The following RGPD4 variants were observed in gnomAD, a reference collection of about 807,000 sequenced individuals.
RGPD4 encodes RANBP2 like and GRIP domain containing 4.
RGPD4 carries 84 observed loss-of-function variants against 141.1 expected under a neutral mutation model. That is an observed-to-expected ratio of 0.60 (90% CI 0.50 to 0.71). RGPD4 has a LOEUF of 0.71. Among genes scored for constraint, RGPD4 ranks in the 30% least tolerant of loss-of-function variants. The pLI, the probability that RGPD4 is intolerant of heterozygous loss-of-function variation, is 0.00. For synonymous variants in RGPD4, 298 were observed against 566.8 expected (o/e 0.53, Z 6.74); for missense variants, 918 against 1,622.4 (o/e 0.57, Z 7.46).
rs2674188 is a variant in RGPD4 at position 107,872,748 on chromosome 2, A to G, written c.4744A>G (p.Asn1582Asp). The change falls in exon 20 of 23, where the codon AAC becomes GAC. Residue 1582 changes from asparagine (N) to aspartate (D), a missense_variant. Physicochemically the swap from Asn to Asp is conservative, Grantham distance 23 (BLOSUM62 1). Coordinates refer to ENST00000408999, the MANE Select transcript of RGPD4 (RefSeq NM_182588.3). ...FSFNASLKSNNSETSSVAQSG... is the reference protein window; with the variant it reads ...FSFNASLKSNDSETSSVAQSG... Reference sequence around the variant, plus strand: ...TTTTAATGCATCTTTGAAAAGTAACAACAGTGAAACTAGTTCAGTAGCCCA... The same window carrying G: ...TTTTAATGCATCTTTGAAAAGTAACGACAGTGAAACTAGTTCAGTAGCCCA... 1 of 1,611,638 alleles carries G rather than the reference A, an allele frequency of 6.2e-7. No individual in the cohort carries two copies. Among genetic ancestry groups the G allele is most frequent in the South Asian group, 1.1e-5 (1 of 90,992 alleles).
At position 107,857,385 on chromosome 2, in the gene RGPD4, T is replaced by A. The variant is rs1682360716; in HGVS notation, c.1276+416T>A. 4.0e-5 allele frequency among the ~76,000 whole-genome samples: 6 copies of A among 150,300 alleles called. 1 individual carries two copies. In the South Asian group the frequency reaches 1.3e-3, roughly 32 times the overall value. On this transcript the variant is annotated intron_variant, in intron 9 of 22. Transcript: ENST00000408999. The stretch of plus-strand genomic sequence containing the variant: ...AACTCCTGACCTCAGGTGATCCACC[T>A]GCCTTGGCCTCCCAAAGTGCTGGGA...
intron 7 of RGPD4, among the ~76,000 whole-genome samples, chr2:107,849,389 C>T (rs1388608215): frequency 4.9e-4 from 56 of 114,262 alleles, no homozygotes; most frequent in South Asian, 1.3e-3. Flanking sequence ...TTTTTTGAGA[C>T]GGAGTCTCGC....
At chr2:107,886,128 A>G in intron 22 of RGPD4, among the ~76,000 whole-genome samples, 1 of 146,662 alleles carries the variant, frequency 6.8e-6, no homozygotes, top group African/African-American at 2.5e-5. Flanking sequence ...GAGAAACAAA[A>G]AACAAGAGTG....
In RGPD4 at chr2:107,890,936, A is replaced by G. The variant is rs1471512374; in HGVS notation, c.*205A>G. On this transcript the variant is annotated 3_prime_UTR_variant, in exon 23 of 23. Coordinates refer to ENST00000408999, the MANE Select transcript of RGPD4 (RefSeq NM_182588.3). ...ACATCTATATGACAGATGTATTTTAAAAGTTTCAACTTGAAGTAAAAGTAC... is the reference window on the plus strand; with the variant it reads ...ACATCTATATGACAGATGTATTTTAGAAGTTTCAACTTGAAGTAAAAGTAC... The G allele has an allele frequency of 3.1e-6, 2 of 653,656 alleles. No individual in the cohort carries two copies. The highest frequency in any genetic ancestry group is 5.2e-6 in the Non-Finnish European group (2 of 385,250). The allele number at this position is 653,656 out of a possible 1,614,324, so 40.5% of individuals were successfully genotyped here. A position where few individuals can be genotyped will look rare whatever the true frequency, so the allele number is the denominator to read the frequency against.
At chr2:107,830,004 C>T (rs1296337694) in intron 1 of RGPD4, among the ~76,000 whole-genome samples, 3 of 152,206 alleles carry the variant, frequency 2.0e-5, no homozygotes, top group Middle Eastern at 3.4e-3. Context: ...GTAGGCATCT[C>T]AGCGCGGACA....
intron 1 of RGPD4, among the ~76,000 whole-genome samples, chr2:107,830,913 C>T (rs1681461145): frequency 6.6e-6 from 1 of 152,160 alleles, no homozygotes; most frequent in Non-Finnish European, 1.5e-5. Context: ...TACTCCCTCA[C>T]ATGTGCTTTT....
At chr2:107,888,895 G>T (rs530396434) in intron 22 of RGPD4, among the ~76,000 whole-genome samples, 3 of 142,120 alleles carry the variant, frequency 2.1e-5, no homozygotes, top group Non-Finnish European at 4.5e-5. Context: ...GCAGCCCTGT[G>T]AGAGACCTTG....
intron 21 of RGPD4, among the ~76,000 whole-genome samples, chr2:107,882,357 T>G (rs960843458): frequency 1.3e-5 from 2 of 151,900 alleles, no homozygotes; most frequent in African/African-American, 4.9e-5. Flanking sequence ...CCCAAATAGC[T>G]TAGGACAGTG....
chr2:107,845,157 C>G (rs1033261145), intron 6 of RGPD4, among the ~76,000 whole-genome samples: 10 of 128,600 alleles, frequency 7.8e-5, no homozygotes, highest in African/African-American at 3.0e-4. Flanking sequence ...TCTCTTGTCT[C>G]TGCCTCCTGA....
chr2:107,873,051 T>C (rs1445583524), intron 20 of RGPD4, 123 bp downstream of exon 20: 3 of 733,272 alleles, frequency 4.1e-6, no homozygotes, highest in South Asian at 3.9e-5. Context: ...ACCCCCAAAA[T>C]ATTTGAGCAA....
At chr2:107,829,498 G>A (rs1463090668) in intron 1 of RGPD4, among the ~76,000 whole-genome samples, 2 of 117,354 alleles carry the variant, frequency 1.7e-5, no homozygotes, top group Non-Finnish European at 3.6e-5. Flanking sequence ...CATGGCTACC[G>A]ACGGGCGCTG....
At chr2:107,844,802 C>CCTTT (rs370881895) in intron 6 of RGPD4, among the ~76,000 whole-genome samples, 10,761 of 48,054 alleles carry the variant, frequency 0.22, 1,331 homozygotes, top group Non-Finnish European at 0.28. Flanking sequence ...TATGTGGGTT[C>CCTTT]CTTTCTTTCT....
Position 107,871,331 on chromosome 2 carries a change from T to C in RGPD4, c.3327T>C (p.Cys1109=). Reference sequence around the variant, plus strand: ...GAAGAGAACAAGTACTAAAAGTGTGTGCTAATCATTGGATAACGACTACAA... The same window carrying C: ...GAAGAGAACAAGTACTAAAAGTGTGCGCTAATCATTGGATAACGACTACAA... The part of the protein sequence containing the change: ...LMRREQVLKV[C]ANHWITTTMN... The change falls in exon 20 of 23, where the codon TGT becomes TGC. Residue 1109 remains cysteine, a synonymous_variant. Transcript: ENST00000408999. The C allele has an allele frequency of 6.3e-7, 1 of 1,598,078 alleles. No individual in the cohort carries two copies. The highest frequency in any genetic ancestry group is 8.5e-7 in the Non-Finnish European group (1 of 1,176,998).
intron 1 of RGPD4, among the ~76,000 whole-genome samples, chr2:107,827,886 C>G (rs866332732): frequency 7.8e-5 from 1 of 12,784 alleles, no homozygotes; most frequent in Middle Eastern, 0.1. Context: ...GCAGCGGCCT[C>G]GACCTGGCCG....
At chr2:107,834,455 C>G (rs1681600814) in intron 1 of RGPD4, among the ~76,000 whole-genome samples, 1 of 152,030 alleles carries the variant, frequency 6.6e-6, no homozygotes, top group Admixed American at 6.6e-5. Flanking sequence ...AAAAATCTCA[C>G]AGCCTCCTGC....
At chr2:107,880,179 C>G in intron 21 of RGPD4, 72 bp downstream of exon 21, 2 of 1,597,760 alleles carry the variant, frequency 1.3e-6, no homozygotes, top group East Asian at 2.3e-5. Flanking sequence ...CACATGTACC[C>G]AAGTTTAAAA....
In RGPD4 at chr2:107,871,074, G is replaced by T; in HGVS notation, c.3070G>T (p.Asp1024Tyr). The change falls in exon 20 of 23, where the codon GAT becomes TAT. Residue 1024 changes from aspartate (D) to tyrosine (Y), a missense_variant. Asp to Tyr is a radical substitution (Grantham distance 160). Coordinates refer to ENST00000408999, the MANE Select transcript of RGPD4 (RefSeq NM_182588.3). ...AAACACTTCCGGTGACTTTGAGAAA[G>T]ATGATGATGCCTATAAGACTGAGGA... ...KANTSGDFEK[D>Y]DDAYKTEDSD... The T allele has an allele frequency of 6.2e-7, 1 of 1,607,840 alleles. No individual in the cohort carries two copies. Among genetic ancestry groups the T allele is most frequent in the Non-Finnish European group, 8.5e-7 (1 of 1,179,806 alleles).
intron 8 of RGPD4, among the ~76,000 whole-genome samples, chr2:107,855,546 G>A (rs971504040): frequency 3.3e-5 from 5 of 151,788 alleles, no homozygotes; most frequent in East Asian, 1.9e-4. Context: ...TCCCGAGGGT[G>A]CCTCTGTAAG....
chr2:107,849,391 G>C (rs1169345978), intron 7 of RGPD4, among the ~76,000 whole-genome samples: 5 of 118,664 alleles, frequency 4.2e-5, no homozygotes, highest in South Asian at 2.7e-4. Flanking sequence ...TTTTGAGACG[G>C]AGTCTCGCTC....
Sources: gnomAD v4.1 joint callset for allele counts (sites outside exome capture counted in the v4.1 genomes callset) on GRCh38, gnomAD v4.1.1 for gene constraint, MANE v1.5 for transcripts, NCBI Gene and HGNC (gene_info 2026-07-23, HGNC 2026-07-21) for gene names.